Variants in STARD13 observed in about 807,000 individuals in gnomAD.
STARD13 encodes StAR related lipid transfer domain containing 13.
In STARD13, 62 loss-of-function variants were observed where a neutral mutation model predicts 106.4. That is an observed-to-expected ratio of 0.58 (90% CI 0.48 to 0.72). The LOEUF (loss-of-function observed/expected upper bound fraction) is 0.72. Ranked by LOEUF, STARD13 falls within the 30% of genes least tolerant of loss-of-function variation. The pLI is 0.00. For synonymous variants in STARD13, 565 were observed against 553.0 expected (o/e 1.02, Z -0.31); for missense variants, 1,387 against 1,424.0 (o/e 0.97, Z 0.42).
intron 1 of STARD13, among the ~76,000 whole-genome samples, chr13:33,206,366 AAC>A (rs59306930): frequency 0.15 from 21,978 of 149,414 alleles, 3,453 homozygotes; most frequent in African/African-American, 0.4. Flanking sequence ...CCATGACTGA[AAC>A]ACACACACAC....
At chr13:33,436,832 C>T in the STARD13 span, among the ~76,000 whole-genome samples, 1 of 152,142 alleles carries the variant, frequency 6.6e-6, no homozygotes, top group East Asian at 1.9e-4. Context: ...ACATTTTACC[C>T]CCATCAGTGA....
chr13:33,105,521 C>A lies in STARD13; in HGVS notation c.*72G>T. The A allele has an allele frequency of 9.4e-7, 1 of 1,069,472 alleles. No individual in the cohort carries two copies. Among genetic ancestry groups the A allele is most frequent in the Non-Finnish European group, 1.5e-6 (1 of 686,638 alleles). 66.2% of individuals were successfully genotyped at this position (1,069,472 alleles called of 1,614,324 possible). On this transcript the variant is annotated 3_prime_UTR_variant, in exon 14 of 14. Coordinates refer to ENST00000336934, the MANE Select transcript of STARD13 (RefSeq NM_178006.4). The stretch of plus-strand genomic sequence containing the variant: ...AGTTCCTCTTTCTCTCGCTTTCTCA[C>A]ATGCACACTCTCTGCCACACTCGTC...
At chr13:33,668,423 T>C in the STARD13 span, among the ~76,000 whole-genome samples, 1 of 151,818 alleles carries the variant, frequency 6.6e-6, no homozygotes, top group Admixed American at 6.6e-5. Flanking sequence ...TGTGGGAGAG[T>C]ATGGGTGAGG....
At chr13:33,660,847 G>A in the STARD13 span, among the ~76,000 whole-genome samples, 2 of 152,156 alleles carry the variant, frequency 1.3e-5, no homozygotes, top group Non-Finnish European at 2.9e-5. Context: ...GCCTTCCAAC[G>A]TGCTGGGATT....
intron 1 of STARD13, among the ~76,000 whole-genome samples, chr13:33,309,642 A>G (rs1321377268): frequency 6.6e-6 from 1 of 152,194 alleles, no homozygotes; most frequent in Admixed American, 6.5e-5. Context: ...AAGCACTGGT[A>G]ATCTGTAACA....
chr13:33,432,988 A>C, the STARD13 span, among the ~76,000 whole-genome samples: 1 of 152,328 alleles, frequency 6.6e-6, no homozygotes, highest in African/African-American at 2.4e-5. Flanking sequence ...CCTCAGACAG[A>C]TAAAATCATG....
At chr13:33,502,869 G>A in the STARD13 span, among the ~76,000 whole-genome samples, 27 of 152,114 alleles carry the variant, frequency 1.8e-4, 1 homozygote, top group Admixed American at 6.6e-4. Flanking sequence ...TCTGCCAGGC[G>A]TTGGTATCAG....
the STARD13 span, among the ~76,000 whole-genome samples, chr13:33,543,809 G>A: frequency 1.3e-5 from 2 of 152,200 alleles, no homozygotes; most frequent in Non-Finnish European, 2.9e-5. Flanking sequence ...GTTGGTACTA[G>A]GACCACACCT....
rs748156024 is a variant in STARD13, at chr13:33,126,238, G to A, written c.1925C>T (p.Ser642Leu). The change falls in exon 7 of 14, where the codon TCA becomes TTA. Residue 642 changes from serine to leucine, a missense_variant and splice_region_variant. Physicochemically the swap from Ser to Leu is moderately radical, Grantham distance 145 (BLOSUM62 -2). Coordinates refer to ENST00000336934, the MANE Select transcript of STARD13 (RefSeq NM_178006.4). ...CATCCTCTTCATGAACTTTGGAACT[G>A]ACCTAGAATTTACAGAAACCAGGTC... ...SMSNKHGWTW[S>L]VPKFMKRMKV... 6.2e-7 allele frequency: 1 copy of A among 1,613,666 alleles called. No individual in the cohort carries two copies. Among genetic ancestry groups the A allele is most frequent in the South Asian group, 1.1e-5 (1 of 91,060 alleles).
the STARD13 span, among the ~76,000 whole-genome samples, chr13:33,674,693 T>C: frequency 6.6e-6 from 1 of 152,182 alleles, no homozygotes; most frequent in African/African-American, 2.4e-5. Flanking sequence ...AATCTTTCAA[T>C]AAAGAAAGTG....
intron 7 of STARD13, among the ~76,000 whole-genome samples, chr13:33,123,729 G>C (rs1393542962): frequency 1.3e-5 from 2 of 152,216 alleles, no homozygotes; most frequent in Non-Finnish European, 1.5e-5. Context: ...GCATGCAGGA[G>C]TGTGGAAGAC....
the STARD13 span, among the ~76,000 whole-genome samples, chr13:33,381,530 A>G: frequency 1.3e-5 from 2 of 152,160 alleles, no homozygotes; most frequent in Non-Finnish European, 2.9e-5. Context: ...ATTTGAGGTC[A>G]GGAGTTCGAG....
At chr13:33,204,793 C>G (rs1391035493) in intron 1 of STARD13, among the ~76,000 whole-genome samples, 1 of 152,232 alleles carries the variant, frequency 6.6e-6, no homozygotes, top group East Asian at 1.9e-4. Flanking sequence ...GGCCTGTGGC[C>G]ATTTTCCCAC....
chr13:33,297,089 A>C (rs889906329), intron 1 of STARD13, among the ~76,000 whole-genome samples: 2 of 152,248 alleles, frequency 1.3e-5, no homozygotes, highest in Non-Finnish European at 2.9e-5. Flanking sequence ...GTGTGTATGC[A>C]TGAAGATACA....
intron 4 of STARD13, among the ~76,000 whole-genome samples, chr13:33,133,688 C>T (rs543873204): frequency 2.0e-5 from 3 of 151,196 alleles, no homozygotes; most frequent in East Asian, 3.9e-4. Flanking sequence ...AGTAATTATC[C>T]TTGTTTGTTT....
At position 33,220,201 on chromosome 13, in the gene STARD13, T is replaced by C. The variant is rs528553127; in HGVS notation, c.170-52579A>G. Among the ~76,000 whole-genome samples the C allele has an allele frequency of 1.4e-3, 218 of 152,252 alleles. 14 individuals carry two copies. Among genetic ancestry groups the C allele is most frequent in the Non-Finnish European group, 1.0e-3 (68 of 68,022 alleles). On this transcript the variant is annotated intron_variant, in intron 1 of 13. Coordinates refer to ENST00000336934, the MANE Select transcript of STARD13 (RefSeq NM_178006.4). Reference sequence around the variant, plus strand: ...ATGGAGAACACATGTGAAAACTAGCTGATATAGCAAACTGAATGGCTAGAA... The same window carrying C: ...ATGGAGAACACATGTGAAAACTAGCCGATATAGCAAACTGAATGGCTAGAA...
At position 33,130,723 on chromosome 13, in the gene STARD13, G is replaced by A. The variant is rs599868; in HGVS notation, c.388-434C>T. ...TCCAGAAACCTCTTCACTGAGCCCC[G>A]GGGACCATATTTCCAGCTTGCCCCA... is the stretch of plus-strand genomic sequence containing the variant. On this transcript the variant is annotated intron_variant, in intron 4 of 13. Transcript: ENST00000336934. The surrounding 1 kb of genome is among the most constrained non-coding windows in gnomAD (Gnocchi z 4.1). Among the ~76,000 whole-genome samples the A allele has an allele frequency of 0.11, 16,620 of 152,084 alleles. 1,181 individuals carry two copies. The highest frequency in any genetic ancestry group is 0.19 in the African/African-American group (7,856 of 41,448).
At chr13:33,205,932 A>AT (rs1241856074) in intron 1 of STARD13, 5 of 985,258 alleles carry the variant, frequency 5.1e-6, no homozygotes, top group African/African-American at 1.7e-5. Flanking sequence ...CAGATGGTGC[A>AT]TCTGTCACCG....
the STARD13 span, among the ~76,000 whole-genome samples, chr13:33,397,123 G>C: frequency 2.6e-5 from 4 of 152,154 alleles, no homozygotes; most frequent in African/African-American, 7.2e-5. Flanking sequence ...CATGAGGCCA[G>C]GAAAGAACAA....
Sources: allele counts gnomAD v4.1 joint callset (sites outside exome capture counted in the v4.1 genomes callset), GRCh38; gene constraint gnomAD v4.1.1; non-coding constraint Gnocchi (gnomAD v3.1); transcripts MANE v1.5; gene names NCBI Gene and HGNC (gene_info 2026-07-23, HGNC 2026-07-21).